SLC28A1: variants seen among roughly 807,000 people sequenced by gnomAD.
SLC28A1 encodes the protein sodium/nucleoside cotransporter 1.
A neutral mutation model predicts 74.8 loss-of-function variants in SLC28A1; 64 were observed. That is an observed-to-expected ratio of 0.86 (90% CI 0.70 to 1.05). The LOEUF (loss-of-function observed/expected upper bound fraction) is 1.05. Among genes scored for constraint, SLC28A1 ranks in the 50% least tolerant of loss-of-function variants. The pLI is 0.00. For synonymous variants in SLC28A1, 359 were observed against 335.0 expected (o/e 1.07, Z -0.78); for missense variants, 828 against 822.8 (o/e 1.01, Z -0.08).
chr15:84,944,595 T>A lies in SLC28A1; in HGVS notation c.1693T>A (p.Phe565Ile). ...TSMVPQRKSD[F>I]SQIVLRALFT... ...CATGGTCCCCCAACGGAAGAGCGAC[T>A]TCTCCCAGATAGTGCTCCGGGCGCT... Residue 565 changes from phenylalanine to isoleucine, a missense_variant, in exon 17 of 19, where the codon TTC becomes ATC. Coordinates refer to ENST00000394573, the MANE Select transcript of SLC28A1 (RefSeq NM_004213.5). 6.2e-7 allele frequency: 1 copy of A among 1,613,992 alleles called. No individual in the cohort carries two copies. The highest frequency in any genetic ancestry group is 8.5e-7 in the Non-Finnish European group (1 of 1,179,844).
At chr15:84,934,013 T>C (rs1311105113) in intron 13 of SLC28A1, among the ~76,000 whole-genome samples, 1 of 152,176 alleles carries the variant, frequency 6.6e-6, no homozygotes, top group Non-Finnish European at 1.5e-5. Flanking sequence ...ACTCCCATGA[T>C]AACCCATTAT....
At chr15:84,889,360 T>C (rs1404117475) in intron 4 of SLC28A1, among the ~76,000 whole-genome samples, 1 of 152,144 alleles carries the variant, frequency 6.6e-6, no homozygotes, top group East Asian at 1.9e-4. Flanking sequence ...TGGGTCCTTG[T>C]TGGCCAGATC....
intron 9 of SLC28A1, among the ~76,000 whole-genome samples, chr15:84,916,240 C>CTGGTGTGAGCCACCATGCCTGGCCTTT (rs1555449979): frequency 1.0e-5 from 1 of 98,424 alleles, no homozygotes; most frequent in Non-Finnish European, 1.9e-5. Context: ...GCTGGGATTA[C>CTGGTGTGAGCCACCATGCCTGGCCTTT]TTTTTTTTTT....
chr15:84,916,065 C>T (rs1449120654), intron 9 of SLC28A1, among the ~76,000 whole-genome samples: 2 of 151,636 alleles, frequency 1.3e-5, no homozygotes, highest in South Asian at 2.1e-4. Context: ...CGGGTTCAAG[C>T]GATTCTCATG....
chr15:84,974,907 C>G, the SLC28A1 span, among the ~76,000 whole-genome samples: 2 of 152,248 alleles, frequency 1.3e-5, no homozygotes, highest in East Asian at 3.9e-4. Context: ...TCAGCATTTC[C>G]CATACCAGGA....
chr15:84,952,288 G>A, the SLC28A1 span, among the ~76,000 whole-genome samples: 1 of 152,168 alleles, frequency 6.6e-6, no homozygotes, highest in African/African-American at 2.4e-5. Context: ...GTGGCTATCT[G>A]CTCTCTATAC....
chr15:84,949,153 C>T (rs2079330131), downstream of SLC28A1, among the ~76,000 whole-genome samples: 2 of 152,204 alleles, frequency 1.3e-5, no homozygotes, highest in Admixed American at 1.3e-4. Flanking sequence ...TCAGCTGTTC[C>T]TCACATAACA....
At chr15:84,885,256 C>G (rs541817989) in intron 1 of SLC28A1, among the ~76,000 whole-genome samples, 14 of 150,918 alleles carry the variant, frequency 9.3e-5, no homozygotes, top group African/African-American at 3.4e-4. Flanking sequence ...ACCGTGCCCC[C>G]CCTCTTTTTT....
intron 12 of SLC28A1, among the ~76,000 whole-genome samples, chr15:84,929,243 C>G (rs991504459): frequency 1.3e-5 from 2 of 152,020 alleles, no homozygotes; most frequent in East Asian, 3.9e-4. Flanking sequence ...ATTTCTTTTT[C>G]CTTTTTAAAA....
chr15:84,912,803 C>CGCGT (rs1347893305), intron 9 of SLC28A1, among the ~76,000 whole-genome samples: 9 of 65,286 alleles, frequency 1.4e-4, no homozygotes, highest in African/African-American at 3.6e-4. Context: ...ATTTTGCGCG[C>CGCGT]GCGCACACAC....
chr15:84,943,326 T>C (rs1377772402), intron 15 of SLC28A1, 119 bp from the exon 16 acceptor site: 1 of 744,980 alleles, frequency 1.3e-6, no homozygotes, highest in Non-Finnish European at 2.4e-6. Flanking sequence ...CACAGAGGAC[T>C]CAAAGGTCAA....
In SLC28A1 at chr15:84,944,744, T is replaced by C; in HGVS notation, c.1763-12T>C. ...CGGGGGCCCTGCCCCACCCACCACT[T>C]TCCCTCTACAGGGATCCTCTACATG... On this transcript the variant is annotated splice_polypyrimidine_tract_variant and intron_variant, in intron 17 of 18. Transcript: ENST00000394573. 1 of 1,610,962 alleles carries C rather than the reference T, an allele frequency of 6.2e-7. No individual in the cohort carries two copies. Among genetic ancestry groups the C allele is most frequent in the South Asian group, 1.1e-5 (1 of 91,054 alleles).
At chr15:84,885,176 C>T (rs180999775) in intron 1 of SLC28A1, among the ~76,000 whole-genome samples, 289 of 151,348 alleles carry the variant, frequency 1.9e-3, no homozygotes, top group African/African-American at 6.6e-3. Context: ...CCAGGCTGGT[C>T]TCGAACTCCT....
chr15:84,975,464 T>G, the SLC28A1 span: 1 of 456,046 alleles, frequency 2.2e-6, no homozygotes, highest in South Asian at 1.6e-5. Flanking sequence ...TTATTTCTAG[T>G]TCCATTAGTT....
chr15:84,974,846 C>T, the SLC28A1 span, among the ~76,000 whole-genome samples: 6 of 152,092 alleles, frequency 3.9e-5, no homozygotes, highest in African/African-American at 9.7e-5. Flanking sequence ...GTTCCCTGGA[C>T]GTGTGCTATT....
chr15:84,908,797 T>C lies in SLC28A1; in HGVS notation c.795+2T>C. 1 of 1,612,622 alleles carries C rather than the reference T, an allele frequency of 6.2e-7. No homozygotes were observed. Among genetic ancestry groups the C allele is most frequent in the Non-Finnish European group, 8.5e-7 (1 of 1,179,248 alleles). On this transcript the variant is annotated splice_donor_variant, in intron 9 of 18. Coordinates refer to ENST00000394573, the MANE Select transcript of SLC28A1 (RefSeq NM_004213.5). LOFTEE classifies it high-confidence loss of function. ...GTCAAGGATGTCTTTGCCTTTCAGG[T>C]CAGCTTGACTCAGGGTCCCAGAGGC... is the stretch of plus-strand genomic sequence containing the variant.
intron 1 of SLC28A1, chr15:84,886,416 C>G (rs1964605463): frequency 1.0e-6 from 1 of 985,240 alleles, no homozygotes; most frequent in Non-Finnish European, 1.2e-6. Flanking sequence ...AGGTGGCTTC[C>G]TGGAAGAAGC....
At chr15:84,886,016 C>G in intron 1 of SLC28A1, 1 of 405,458 alleles carries the variant, frequency 2.5e-6, no homozygotes, top group Non-Finnish European at 3.3e-6. Context: ...TTGTCCTGAG[C>G]GCGTACCATT....
chr15:84,940,247 C>T (rs1972496441), intron 15 of SLC28A1, among the ~76,000 whole-genome samples: 1 of 152,160 alleles, frequency 6.6e-6, no homozygotes, highest in Non-Finnish European at 1.5e-5. Context: ...CCAACAAGAG[C>T]CTGCTTTAAA....
Sources: allele counts gnomAD v4.1 joint callset (sites outside exome capture counted in the v4.1 genomes callset), GRCh38; gene constraint gnomAD v4.1.1; transcripts MANE v1.5; gene names NCBI Gene and HGNC (gene_info 2026-07-23, HGNC 2026-07-21).